HOMER2: variants seen among roughly 807,000 people sequenced by gnomAD.
The protein encoded by HOMER2 is homer protein homolog 2.
Under a neutral mutation model 47.0 loss-of-function variants are expected in HOMER2, and 27 were observed. The ratio of observed to expected loss-of-function variants is 0.57; its 90% CI spans 0.42 to 0.79. HOMER2 has a LOEUF of 0.79. Among genes scored for constraint, HOMER2 ranks in the 30% least tolerant of loss-of-function variants. HOMER2 has a pLI of 0.00. For synonymous variants in HOMER2, 161 were observed against 163.8 expected, an observed-to-expected ratio of 0.98 and a Z score of 0.13; for missense variants, 443 against 435.0, an observed-to-expected ratio of 1.02 and a Z score of -0.16.
intron 5 of HOMER2, among the ~76,000 whole-genome samples, chr15:82,855,346 A>AAAAAAAAAAAAAAC (rs2051547963): frequency 6.6e-6 from 1 of 150,958 alleles, no homozygotes; most frequent in African/African-American, 2.4e-5. Context: ...AAAAAAAAAA[A>AAAAAAAAAAAAAAC]AAAGAAAACA....
intron 1 of HOMER2, among the ~76,000 whole-genome samples, chr15:82,971,165 G>A (rs2029974586): frequency 6.6e-6 from 1 of 152,168 alleles, no homozygotes; most frequent in Non-Finnish European, 1.5e-5. Context: ...TCTTGATAAT[G>A]AGCAGCTCTG....
At chr15:82,861,417 G>A (rs571046258) in intron 4 of HOMER2, among the ~76,000 whole-genome samples, 1 of 152,182 alleles carries the variant, frequency 6.6e-6, no homozygotes, top group South Asian at 2.1e-4. Context: ...AAGTTAAAAG[G>A]TATAATATAA....
intron 1 of HOMER2, among the ~76,000 whole-genome samples, chr15:82,935,337 T>G (rs1401310198): frequency 6.6e-6 from 1 of 152,154 alleles, no homozygotes; most frequent in South Asian, 2.1e-4. Context: ...ACTTCTCCAC[T>G]GGCCACCCTG....
chr15:82,971,242 T>C (rs1944671440), intron 1 of HOMER2, among the ~76,000 whole-genome samples: 1 of 152,074 alleles, frequency 6.6e-6, no homozygotes, highest in African/African-American at 2.4e-5. Context: ...TAAGTAAAAT[T>C]ATGGGGGGTA....
chr15:82,954,783 G>C (rs1221302055), upstream of HOMER2, among the ~76,000 whole-genome samples: 1 of 151,744 alleles, frequency 6.6e-6, no homozygotes, highest in Non-Finnish European at 1.5e-5. Context: ...ATTCTGTTTT[G>C]TTGTTGTTGT....
chr15:82,864,190 C>T lies in HOMER2; in HGVS notation c.364G>A (p.Glu122Lys). Reference sequence around the variant, plus strand: ...ACTTGGGAATGATTACTTGAGGTCTCGATTTTCTCCTGCGTCTTGTCTTTG... The same window carrying T: ...ACTTGGGAATGATTACTTGAGGTCTTGATTTTCTCCTGCGTCTTGTCTTTG... ...IAKDKTQEKI[E>K]TSSNHSQASS... Residue 122 changes from glutamate to lysine, a missense_variant, in exon 4 of 9, where the codon GAG becomes AAG. Glu to Lys is a moderately conservative substitution (Grantham distance 56, BLOSUM62 1). Transcript: ENST00000450735. The T allele has an allele frequency of 6.2e-6, 10 of 1,610,542 alleles. No homozygotes were observed. Among genetic ancestry groups the T allele is most frequent in the South Asian group, 1.1e-5 (1 of 90,592 alleles).
chr15:82,868,606 T>A (rs182670802), intron 3 of HOMER2, among the ~76,000 whole-genome samples: 254 of 141,914 alleles, frequency 1.8e-3, no homozygotes, highest in Non-Finnish European at 2.9e-3. Context: ...TGGAGTGCAG[T>A]GGTACGATCT....
At chr15:82,900,671 G>A (rs2053085239) in intron 1 of HOMER2, among the ~76,000 whole-genome samples, 1 of 152,188 alleles carries the variant, frequency 6.6e-6, no homozygotes, top group African/African-American at 2.4e-5. Context: ...GTGAGTGCAT[G>A]ACACAGGCAG....
downstream of HOMER2, among the ~76,000 whole-genome samples, chr15:82,848,306 G>A (rs2051283390): frequency 6.6e-6 from 1 of 152,210 alleles, no homozygotes; most frequent in South Asian, 2.1e-4. Context: ...AAGGTTTCTA[G>A]AAGGAGTAGT....
intron 1 of HOMER2, among the ~76,000 whole-genome samples, chr15:82,915,943 T>C (rs989055831): frequency 1.3e-5 from 2 of 152,206 alleles, no homozygotes; most frequent in Admixed American, 1.3e-4. Flanking sequence ...TAAGTAAATA[T>C]TTGCTCACAT....
At chr15:82,852,110 C>T in intron 7 of HOMER2, 32 bp downstream of exon 7, 3 of 1,540,714 alleles carry the variant, frequency 1.9e-6, no homozygotes, top group Non-Finnish European at 2.7e-6. Context: ...AAGAGGACGC[C>T]AAGGGGCCCT....
chr15:82,912,377 G>A (rs1026786219), intron 1 of HOMER2, among the ~76,000 whole-genome samples: 1 of 152,080 alleles, frequency 6.6e-6, no homozygotes, highest in African/African-American at 2.4e-5. Context: ...TTCAGTGAGC[G>A]TAATATTTCT....
At chr15:82,853,395 C>T (rs1227069754) in intron 6 of HOMER2, among the ~76,000 whole-genome samples, 1 of 152,178 alleles carries the variant, frequency 6.6e-6, no homozygotes, top group Non-Finnish European at 1.5e-5. Flanking sequence ...CGTGCAAAGT[C>T]AGCAATTGGC....
At chr15:82,891,766 G>A (rs569157994) in intron 2 of HOMER2, among the ~76,000 whole-genome samples, 6 of 152,290 alleles carry the variant, frequency 3.9e-5, no homozygotes, top group East Asian at 1.9e-4. Flanking sequence ...GAGCAGGCAC[G>A]AGTGGGTGAC....
intron 1 of HOMER2, among the ~76,000 whole-genome samples, chr15:82,897,105 C>T (rs1378580070): frequency 1.5e-5 from 2 of 132,580 alleles, no homozygotes; most frequent in African/African-American, 2.9e-5. Context: ...CTCACTCTGT[C>T]GCCCAAGCTG....
At chr15:82,909,441 C>T (rs1008812837) in intron 1 of HOMER2, among the ~76,000 whole-genome samples, 4 of 151,978 alleles carry the variant, frequency 2.6e-5, no homozygotes, top group East Asian at 1.9e-4. Flanking sequence ...AAGAGGACAG[C>T]GGTACAAATT....
chr15:82,928,726 T>C (rs1486738372), intron 1 of HOMER2, among the ~76,000 whole-genome samples: 2 of 151,512 alleles, frequency 1.3e-5, no homozygotes, highest in Non-Finnish European at 2.9e-5. Context: ...AAGAACCAAA[T>C]TTCACTTCTC....
intron 5 of HOMER2, among the ~76,000 whole-genome samples, chr15:82,856,733 A>AGG (rs1013807795): frequency 6.6e-6 from 1 of 152,196 alleles, no homozygotes; most frequent in Non-Finnish European, 1.5e-5. Flanking sequence ...GTCCAAAGGC[A>AGG]GGGGGTTGGA....
chr15:82,924,737 G>A (rs1285980576), intron 1 of HOMER2, among the ~76,000 whole-genome samples: 3 of 152,092 alleles, frequency 2.0e-5, no homozygotes, highest in Admixed American at 6.5e-5. Context: ...CATCATGCTG[G>A]GCACTGACAT....
Sources: allele counts gnomAD v4.1 joint callset (sites outside exome capture counted in the v4.1 genomes callset), GRCh38; gene constraint gnomAD v4.1.1; transcripts MANE v1.5; gene names NCBI Gene and HGNC (gene_info 2026-07-23, HGNC 2026-07-21).